Variants in TIMM23 observed in about 807,000 individuals in gnomAD.
TIMM23 encodes translocase of inner mitochondrial membrane 23.
A neutral mutation model predicts 30.7 loss-of-function variants in TIMM23; 19 were observed. The ratio of observed to expected loss-of-function variants is 0.62; its 90% CI spans 0.43 to 0.91. TIMM23 has a LOEUF of 0.91. Among genes scored for constraint, TIMM23 ranks in the 40% least tolerant of loss-of-function variants. The pLI is 0.00. For missense variants in TIMM23, 202 were observed against 269.2 expected (o/e 0.75, Z 1.75); for synonymous variants, 78 against 98.5 (o/e 0.79, Z 1.23).
rs587658839 is a variant in TIMM23, at chr10:45,991,192, C to T, written c.514+2345C>T. Among the ~76,000 whole-genome samples the T allele has an allele frequency of 5.1e-3, 769 of 152,126 alleles. 5 individuals carry two copies. Among genetic ancestry groups the T allele is most frequent in the East Asian group, 0.02 (105 of 5,182 alleles). On this transcript the variant is annotated intron_variant, in intron 6 of 6. Transcript: ENST00000580018. ...TTTCTGATGTATCTGTTTGATTATA[C>T]GATACATATAAGGAAGGTGTGGGAG... is the stretch of plus-strand genomic sequence containing the variant.
At chr10:45,989,365 A>C (rs1363775851) in intron 6 of TIMM23, among the ~76,000 whole-genome samples, 1 of 152,176 alleles carries the variant, frequency 6.6e-6, no homozygotes, top group African/African-American at 2.4e-5. Context: ...CACATTTTGC[A>C]TGTGCGTTCT....
intron 2 of TIMM23, among the ~76,000 whole-genome samples, chr10:45,977,987 C>T (rs1422043521): frequency 5.3e-5 from 8 of 151,694 alleles, no homozygotes; most frequent in African/African-American, 1.7e-4. Context: ...GCCAAGATCG[C>T]GCCACCCGCA....
chr10:46,002,184 AC>A (rs1554917779), intron 6 of TIMM23, among the ~76,000 whole-genome samples: 1 of 151,670 alleles, frequency 6.6e-6, no homozygotes, highest in Non-Finnish European at 1.5e-5. Context: ...TAGCTATCTT[AC>A]CACATTTTTT....
intron 2 of TIMM23, among the ~76,000 whole-genome samples, chr10:45,981,348 T>C (rs1260943730): frequency 1.4e-5 from 2 of 142,484 alleles, no homozygotes; most frequent in Non-Finnish European, 3.0e-5. Flanking sequence ...CCTTACCACA[T>C]TGAATCTAGC....
chr10:45,973,617 A>G (rs1837570276), intron 1 of TIMM23, among the ~76,000 whole-genome samples: 1 of 152,176 alleles, frequency 6.6e-6, no homozygotes, highest in Non-Finnish European at 1.5e-5. Context: ...AACTGAATCT[A>G]CAACACATGG....
intron 6 of TIMM23, among the ~76,000 whole-genome samples, chr10:45,995,410 C>T (rs1340976106): frequency 6.8e-6 from 1 of 146,724 alleles, no homozygotes; most frequent in African/African-American, 2.5e-5. Flanking sequence ...CCATGCCTAT[C>T]TGATGGGCTA....
intron 6 of TIMM23, among the ~76,000 whole-genome samples, chr10:45,996,863 G>A (rs1183131591): frequency 7.3e-5 from 11 of 151,586 alleles, no homozygotes; most frequent in Admixed American, 3.3e-4. Flanking sequence ...TACTGGGAAG[G>A]CTGAGATGGG....
intron 1 of TIMM23, among the ~76,000 whole-genome samples, chr10:45,973,886 C>T (rs1179059146): frequency 2.7e-3 from 405 of 151,706 alleles, no homozygotes; most frequent in Non-Finnish European, 4.3e-3. Flanking sequence ...CTCTCGAACT[C>T]AGGCCATCCT....
At chr10:45,998,594 G>T (rs1309681977) in intron 6 of TIMM23, among the ~76,000 whole-genome samples, 1 of 152,134 alleles carries the variant, frequency 6.6e-6, no homozygotes, top group East Asian at 1.9e-4. Context: ...GGAATTAACG[G>T]AAACAGTTAC....
chr10:45,992,887 T>C (rs1284171904), intron 6 of TIMM23, among the ~76,000 whole-genome samples: 3 of 152,118 alleles, frequency 2.0e-5, no homozygotes, highest in Admixed American at 2.0e-4. Context: ...CTCTATCTTC[T>C]CTGTAATTTG....
chr10:45,973,332 C>T (rs1242274399), intron 1 of TIMM23, among the ~76,000 whole-genome samples: 3 of 152,194 alleles, frequency 2.0e-5, no homozygotes, highest in Non-Finnish European at 4.4e-5. Flanking sequence ...GCATAAATAT[C>T]TTGCCTTTGC....
chr10:45,985,906 C>T (rs1837975870), intron 5 of TIMM23, among the ~76,000 whole-genome samples: 1 of 152,158 alleles, frequency 6.6e-6, no homozygotes. Context: ...GGAATAGGTT[C>T]CTTGTAGATA....
rs1371593923 is a variant in TIMM23 at position 46,003,330 on chromosome 10, A to C, written c.*12A>C. 6.3e-7 allele frequency: 1 copy of C among 1,591,120 alleles called. No homozygotes were observed. Among genetic ancestry groups the C allele is most frequent in the African/African-American group, 1.3e-5 (1 of 74,448 alleles). On this transcript the variant is annotated 3_prime_UTR_variant, in exon 7 of 7. Coordinates refer to ENST00000580018, the MANE Select transcript of TIMM23 (RefSeq NM_006327.4). Reference sequence around the variant, plus strand: ...AACAGTCACTCTGAAGATTTTGCCAACTCATGAATGGAGGACACTTCAGTA... The same window carrying C: ...AACAGTCACTCTGAAGATTTTGCCACCTCATGAATGGAGGACACTTCAGTA...
chr10:45,985,827 T>C (rs1193692591), intron 5 of TIMM23, among the ~76,000 whole-genome samples: 1 of 152,242 alleles, frequency 6.6e-6, no homozygotes, highest in Non-Finnish European at 1.5e-5. Context: ...CCTCTTGCTA[T>C]GTTTTCTTAA....
At chr10:45,982,224 A>G (rs1837872069) in intron 2 of TIMM23, among the ~76,000 whole-genome samples, 1 of 152,210 alleles carries the variant, frequency 6.6e-6, no homozygotes, top group South Asian at 2.1e-4. Flanking sequence ...CATAGCTTTC[A>G]GTGTTCCTTT....
At chr10:45,983,009 G>GA (rs1837890490) in intron 4 of TIMM23, 79 bp downstream of exon 4, 1 of 1,574,640 alleles carries the variant, frequency 6.4e-7, no homozygotes. Context: ...GTACAACCTT[G>GA]AGATTACAGA....
At chr10:45,974,438 T>A (rs1383738808) in intron 1 of TIMM23, among the ~76,000 whole-genome samples, 20 of 152,328 alleles carry the variant, frequency 1.3e-4, no homozygotes, top group African/African-American at 4.8e-4. Flanking sequence ...GCAAATGTCC[T>A]GAAACAAAAC....
intron 2 of TIMM23, among the ~76,000 whole-genome samples, chr10:45,978,036 A>G (rs1462347066): frequency 2.6e-5 from 4 of 152,038 alleles, no homozygotes; most frequent in Non-Finnish European, 4.4e-5. Context: ...GGTCTCAAAA[A>G]AAAAATAAAA....
At chr10:46,001,552 T>A (rs959476050) in intron 6 of TIMM23, among the ~76,000 whole-genome samples, 5 of 152,008 alleles carry the variant, frequency 3.3e-5, no homozygotes, top group Admixed American at 3.3e-4. Flanking sequence ...GTTGCAGAAA[T>A]GGTTAGTTCT....
Sources: gnomAD v4.1 joint callset for allele counts (sites outside exome capture counted in the v4.1 genomes callset) on GRCh38, gnomAD v4.1.1 for gene constraint, MANE v1.5 for transcripts, NCBI Gene and HGNC (gene_info 2026-07-23, HGNC 2026-07-21) for gene names.